NAALADL2: variants seen among roughly 807,000 people sequenced by gnomAD.
The protein encoded by NAALADL2 is inactive N-acetylated-alpha-linked acidic dipeptidase-like protein 2.
Under a neutral mutation model 87.2 loss-of-function variants are expected in NAALADL2, and 76 were observed. The ratio of observed to expected loss-of-function variants is 0.87; its 90% CI spans 0.72 to 1.05. The LOEUF (loss-of-function observed/expected upper bound fraction) is 1.05. Ranked by LOEUF, NAALADL2 falls within the 50% of genes least tolerant of loss-of-function variation. NAALADL2 has a pLI of 0.00. For missense variants in NAALADL2, 1,089 were observed against 945.8 expected (o/e 1.15, Z -1.99); for synonymous variants, 354 against 331.0 (o/e 1.07, Z -0.75).
At chr3:174,998,403 ACTT>A (rs751709754) in intron 1 of NAALADL2, among the ~76,000 whole-genome samples, 3 of 152,182 alleles carry the variant, frequency 2.0e-5, no homozygotes, top group Non-Finnish European at 4.4e-5. Flanking sequence ...TGGGCCAAAC[ACTT>A]CTTAAACTCA....
intron 13 of NAALADL2, among the ~76,000 whole-genome samples, chr3:175,770,396 AAT>A (rs1219308158): frequency 3.9e-5 from 6 of 152,228 alleles, no homozygotes; most frequent in Admixed American, 3.9e-4. Flanking sequence ...CAGCTCAAAT[AAT>A]ATGATTGACA....
intron 12 of NAALADL2, among the ~76,000 whole-genome samples, chr3:175,751,352 A>G (rs573110046): frequency 2.0e-5 from 3 of 152,180 alleles, no homozygotes. Flanking sequence ...GGAATATGAT[A>G]CATTGGGTTG....
intron 3 of NAALADL2, among the ~76,000 whole-genome samples, chr3:174,749,132 A>G (rs536999009): frequency 4.7e-5 from 7 of 147,638 alleles, no homozygotes; most frequent in African/African-American, 1.8e-4. Flanking sequence ...CCTAATCCCA[A>G]TTTTCTCTCT....
intron 1 of NAALADL2, among the ~76,000 whole-genome samples, chr3:174,905,536 A>G (rs1732859573): frequency 6.6e-6 from 1 of 152,088 alleles, no homozygotes. Context: ...ACAGGAAACT[A>G]TAAGCATTAG....
At chr3:174,923,760 G>A (rs79916151) in intron 1 of NAALADL2, among the ~76,000 whole-genome samples, 4,240 of 152,146 alleles carry the variant, frequency 0.028, 67 homozygotes, top group Non-Finnish European at 0.044. Context: ...AGGTATAGAG[G>A]AATAGAAAAA....
rs1218647180 is a variant in NAALADL2, at chr3:175,423,018, G to GAAAAAAA, written c.1091-24206_1091-24200dup. On this transcript the variant is annotated intron_variant, in intron 5 of 13. Coordinates refer to ENST00000454872, the MANE Select transcript of NAALADL2 (RefSeq NM_207015.3). ...AAAGAGATGGCTCCCAGGTCCTTAAGAAAAAAAAAAATATATATATATATA... is the reference window on the plus strand; with the variant it reads ...AAAGAGATGGCTCCCAGGTCCTTAAGAAAAAAAAAAAAAAAAAATATATATATATATA... Among the ~76,000 whole-genome samples, 100 of 61,552 alleles carry GAAAAAAA rather than the reference G, an allele frequency of 1.6e-3. 1 individual carries two copies. The highest frequency in any genetic ancestry group is 3.4e-3 in the African/African-American group (43 of 12,692). The allele number at this position is 61,552 out of a possible 152,430, so 40.4% of individuals were successfully genotyped here.
At chr3:175,579,484 A>G (rs1412701353) in intron 10 of NAALADL2, among the ~76,000 whole-genome samples, 1 of 152,144 alleles carries the variant, frequency 6.6e-6, no homozygotes, top group Non-Finnish European at 1.5e-5. Flanking sequence ...AACACCTTTG[A>G]TCTTTAGCTT....
chr3:174,753,307 C>T lies in NAALADL2; in HGVS notation c.-9+15561C>T, dbSNP rs576928660. ...GCCTGGCTGGTCTCAATCCTCTGAC[C>T]TCAGTTGATCCAGCCGCCTTGGCCT... On this transcript the variant is annotated intron_variant, in intron 3 of 3. Coordinates refer to the NAALADL2 transcript ENST00000434257. Among the ~76,000 whole-genome samples the T allele has an allele frequency of 3.9e-5, 6 of 152,314 alleles. No homozygotes were observed. In the South Asian group the frequency reaches 1.2e-3, roughly 32 times the overall value.
intron 11 of NAALADL2, chr3:175,675,406 C>T (rs1425757082): frequency 6.6e-6 from 1 of 152,216 alleles, no homozygotes; most frequent in Admixed American, 6.5e-5. Flanking sequence ...GCCTCCTCTA[C>T]TTCTGGAATG....
At chr3:175,154,672 A>G (rs748907916) in intron 2 of NAALADL2, among the ~76,000 whole-genome samples, 2 of 152,170 alleles carry the variant, frequency 1.3e-5, no homozygotes, top group African/African-American at 4.8e-5. Context: ...GAAGATAGGA[A>G]AAAAGCTTTT....
intron 11 of NAALADL2, among the ~76,000 whole-genome samples, chr3:175,718,983 G>A (rs907292488): frequency 6.6e-6 from 1 of 152,118 alleles, no homozygotes; most frequent in African/African-American, 2.4e-5. Flanking sequence ...TTAAAGTGCG[G>A]TATGATTGCC....
At chr3:175,636,053 C>T (rs560621909) in intron 11 of NAALADL2, among the ~76,000 whole-genome samples, 20 of 151,992 alleles carry the variant, frequency 1.3e-4, no homozygotes, top group South Asian at 2.1e-4. Flanking sequence ...ACTTACTGCC[C>T]CATGGACAAC....
At chr3:174,478,577 G>C (rs371268948) in intron 1 of NAALADL2, among the ~76,000 whole-genome samples, 1 of 151,898 alleles carries the variant, frequency 6.6e-6, no homozygotes, top group African/African-American at 2.4e-5. Context: ...TAACAGATAT[G>C]TACTAGATAT....
At chr3:175,710,201 A>G (rs1405658187) in intron 11 of NAALADL2, among the ~76,000 whole-genome samples, 1 of 152,030 alleles carries the variant, frequency 6.6e-6, no homozygotes, top group Non-Finnish European at 1.5e-5. Context: ...TGTTTTTGAA[A>G]TGATACCATC....
chr3:175,049,207 T>C (rs1204367252), intron 1 of NAALADL2, among the ~76,000 whole-genome samples: 1 of 152,118 alleles, frequency 6.6e-6, no homozygotes, highest in Non-Finnish European at 1.5e-5. Context: ...GAACAAATGA[T>C]ATTGATGACT....
At chr3:175,070,068 C>T (rs373365411) in intron 1 of NAALADL2, among the ~76,000 whole-genome samples, 11,390 of 147,652 alleles carry the variant, frequency 0.077, 590 homozygotes, top group East Asian at 0.2. Flanking sequence ...TGCTAAATGA[C>T]GAGTTAATGG....
intron 9 of NAALADL2, among the ~76,000 whole-genome samples, chr3:175,555,738 G>T (rs1371954465): frequency 6.6e-6 from 1 of 151,972 alleles, no homozygotes; most frequent in Non-Finnish European, 1.5e-5. Context: ...ATTATTTACT[G>T]GGATGCATAT....
intron 9 of NAALADL2, among the ~76,000 whole-genome samples, chr3:175,510,312 A>T (rs1164447713): frequency 1.3e-5 from 2 of 152,148 alleles, no homozygotes; most frequent in African/African-American, 4.8e-5. Context: ...TACAGGGATT[A>T]TGGGAACTAA....
intron 2 of NAALADL2, among the ~76,000 whole-genome samples, chr3:174,696,376 T>C (rs1316485587): frequency 6.6e-6 from 1 of 151,958 alleles, no homozygotes; most frequent in Non-Finnish European, 1.5e-5. Flanking sequence ...TGTCTATTGA[T>C]GTACATAATT....
Sources: gnomAD v4.1 joint callset for allele counts (sites outside exome capture counted in the v4.1 genomes callset) on GRCh38, gnomAD v4.1.1 for gene constraint, MANE v1.5 for transcripts, NCBI Gene and HGNC (gene_info 2026-07-23, HGNC 2026-07-21) for gene names.